Variants in EVI5 observed in about 807,000 individuals in gnomAD.
The protein encoded by EVI5 is ecotropic viral integration site 5 protein homolog.
EVI5 carries 73 observed loss-of-function variants against 112.0 expected under a neutral mutation model. The observed-to-expected ratio is 0.65, with a 90% CI of 0.54 to 0.79. The LOEUF (loss-of-function observed/expected upper bound fraction) is 0.79, where lower values mean the gene tolerates loss of function less well. Ranked by LOEUF, EVI5 falls within the 30% of genes least tolerant of loss-of-function variation. The probability of loss-of-function intolerance (pLI) is 0.00; values close to 1 mark genes in which losing one functional copy is unlikely to be tolerated. For synonymous variants in EVI5, 305 were observed against 319.9 expected (o/e 0.95, Z 0.50); for missense variants, 900 against 968.8 (o/e 0.93, Z 0.94).
At chr1:92,547,669 C>T (rs1180184019) in intron 19 of EVI5, among the ~76,000 whole-genome samples, 1 of 152,172 alleles carries the variant, frequency 6.6e-6, no homozygotes, top group Non-Finnish European at 1.5e-5. Context: ...GGGGATATCA[C>T]CACCGATCCC....
chr1:92,665,191 C>T (rs1328003907), intron 11 of EVI5, among the ~76,000 whole-genome samples: 11 of 151,882 alleles, frequency 7.2e-5, no homozygotes, highest in Non-Finnish European at 2.9e-5. Flanking sequence ...GGCAACAGAG[C>T]GAGACTCTCT....
At chr1:92,679,426 T>A (rs1242944534) in intron 9 of EVI5, among the ~76,000 whole-genome samples, 1 of 152,198 alleles carries the variant, frequency 6.6e-6, no homozygotes, top group East Asian at 1.9e-4. Context: ...AAATGACTAC[T>A]CTGAAGTAGT....
At chr1:92,766,212 C>T (rs1046891687) in intron 1 of EVI5, among the ~76,000 whole-genome samples, 2 of 151,162 alleles carry the variant, frequency 1.3e-5, no homozygotes, top group African/African-American at 4.9e-5. Flanking sequence ...AATTGTTATA[C>T]CTAAGCTGTT....
chr1:92,743,941 A>G (rs1419250387), intron 1 of EVI5, among the ~76,000 whole-genome samples: 1 of 152,172 alleles, frequency 6.6e-6, no homozygotes, highest in Non-Finnish European at 1.5e-5. Context: ...GTAGAAGCTT[A>G]ATCACTGATT....
At chr1:92,583,269 G>A (rs1386730647) in intron 18 of EVI5, among the ~76,000 whole-genome samples, 2 of 152,018 alleles carry the variant, frequency 1.3e-5, no homozygotes, top group African/African-American at 4.8e-5. Flanking sequence ...AGCACTCTGG[G>A]AGGCTGAGGT....
intron 19 of EVI5, among the ~76,000 whole-genome samples, chr1:92,542,230 G>A (rs1356692675): frequency 6.6e-6 from 1 of 152,036 alleles, no homozygotes; most frequent in East Asian, 1.9e-4. Flanking sequence ...AATGTTCACA[G>A]TATCTTTACC....
At chr1:92,599,055 C>A (rs1008888404) in intron 18 of EVI5, among the ~76,000 whole-genome samples, 2 of 151,494 alleles carry the variant, frequency 1.3e-5, no homozygotes, top group African/African-American at 4.8e-5. Flanking sequence ...CTATATACTA[C>A]ATAGCATGTA....
At chr1:92,776,517 T>C (rs566064130) in intron 1 of EVI5, among the ~76,000 whole-genome samples, 70 of 152,304 alleles carry the variant, frequency 4.6e-4, no homozygotes, top group African/African-American at 1.6e-3. Flanking sequence ...TAATCTTTAG[T>C]AATAGCTCAT....
chr1:92,522,324 C>T (rs1365464082), intron 19 of EVI5, among the ~76,000 whole-genome samples: 2 of 152,050 alleles, frequency 1.3e-5, no homozygotes, highest in East Asian at 3.8e-4. Context: ...TTTAAGCTGT[C>T]CTCCAGAAAG....
intron 14 of EVI5, among the ~76,000 whole-genome samples, chr1:92,626,553 C>G (rs1655702221): frequency 6.6e-6 from 1 of 152,134 alleles, no homozygotes; most frequent in Non-Finnish European, 1.5e-5. Context: ...AGTAGAACTG[C>G]TGGCTCAGAT....
At position 92,620,123 on chromosome 1, in the gene EVI5, T is replaced by G. The variant is rs570770011; in HGVS notation, c.1827+4053A>C. Reference sequence around the variant, plus strand: ...ACTTTGGGAGGCCGAGACGGGCGGATCACCTGAAGTCGGAAGTTTGAGAAC... The same window carrying G: ...ACTTTGGGAGGCCGAGACGGGCGGAGCACCTGAAGTCGGAAGTTTGAGAAC... On this transcript the variant is annotated intron_variant, in intron 16 of 19. Coordinates refer to ENST00000684568, the MANE Select transcript of EVI5 (RefSeq NM_001350197.2). Among the ~76,000 whole-genome samples the G allele has an allele frequency of 6.6e-5, 10 of 152,190 alleles. No homozygotes were observed. In the South Asian group the frequency reaches 2.1e-3, roughly 32 times the overall value.
At chr1:92,657,381 C>T (rs555564788) in intron 13 of EVI5, among the ~76,000 whole-genome samples, 59 of 152,210 alleles carry the variant, frequency 3.9e-4, no homozygotes, top group Middle Eastern at 3.4e-3. Flanking sequence ...ACCAAACATA[C>T]GCCAGGTACG....
chr1:92,638,664 A>C (rs1659366336), intron 13 of EVI5, among the ~76,000 whole-genome samples: 1 of 152,196 alleles, frequency 6.6e-6, no homozygotes, highest in Non-Finnish European at 1.5e-5. Flanking sequence ...TGCCAGACAC[A>C]TGTTAAGCAC....
At chr1:92,647,530 G>T in intron 13 of EVI5, 1 of 520,718 alleles carries the variant, frequency 1.9e-6, no homozygotes, top group South Asian at 2.2e-5. Flanking sequence ...GGAAAATTCT[G>T]CAAAATTGAC....
At chr1:92,750,061 T>C (rs894809256) in intron 1 of EVI5, among the ~76,000 whole-genome samples, 1 of 152,214 alleles carries the variant, frequency 6.6e-6, no homozygotes, top group Admixed American at 6.5e-5. Flanking sequence ...ATACAGAATA[T>C]ATAACTACTT....
intron 19 of EVI5, among the ~76,000 whole-genome samples, chr1:92,529,956 T>A (rs927084846): frequency 4.6e-5 from 7 of 152,194 alleles, no homozygotes; most frequent in Admixed American, 3.9e-4. Flanking sequence ...ATTGAATATA[T>A]GTAGATAAAT....
chr1:92,696,846 G>A (rs1401899818), intron 6 of EVI5, among the ~76,000 whole-genome samples: 2 of 152,066 alleles, frequency 1.3e-5, no homozygotes, highest in Admixed American at 1.3e-4. Context: ...AGACCATCCT[G>A]GCTAACATGG....
chr1:92,520,785 A>C (rs577695089), intron 19 of EVI5, among the ~76,000 whole-genome samples: 227 of 151,906 alleles, frequency 1.5e-3, no homozygotes, highest in Non-Finnish European at 2.7e-3. Context: ...CAGGAGGTCA[A>C]GGCTGCAGTG....
chr1:92,702,263 T>G, intron 4 of EVI5, 48 bp from the exon 5 acceptor site: 2 of 978,952 alleles, frequency 2.0e-6, no homozygotes, highest in Non-Finnish European at 3.0e-6. Context: ...AGTTATACCT[T>G]CCTTCTCCAA....
Sources: gnomAD v4.1 joint callset for allele counts (sites outside exome capture counted in the v4.1 genomes callset) on GRCh38, gnomAD v4.1.1 for gene constraint, MANE v1.5 for transcripts, NCBI Gene and HGNC (gene_info 2026-07-23, HGNC 2026-07-21) for gene names.